COL2A1: variants seen among roughly 807,000 people sequenced by gnomAD.
COL2A1 encodes the protein collagen type II alpha 1 chain.
In COL2A1, 28 loss-of-function variants were observed where a neutral mutation model predicts 204.5. The observed-to-expected ratio is 0.14, with a 90% confidence interval of 0.10 to 0.19. COL2A1 has a LOEUF of 0.19. Ranked by LOEUF, COL2A1 falls within the 10% of genes least tolerant of loss-of-function variation. COL2A1 has a pLI of 1.00. For missense variants in COL2A1, 1,388 were observed against 2,027.5 expected, an observed-to-expected ratio of 0.68 and a Z score of 6.06; for synonymous variants, 708 against 718.7, an observed-to-expected ratio of 0.99 and a Z score of 0.24.
At chr12:47,982,283 GTC>G in intron 34 of COL2A1, 123 bp from the exon 35 acceptor site, 1 of 928,600 alleles carries the variant, frequency 1.1e-6, no homozygotes, top group Non-Finnish European at 1.8e-6. Context: ...ATTTGCTGTG[GTC>G]TCAGGGTGGG....
Position 47,984,554 on chromosome 12 carries a change from C to A in COL2A1, c.1879G>T (p.Gly627Cys). ...CGGGGAAGGATACTTACCCTCAGAC[C>A]AGGAGCACCAGGCAGTCCCTTCTCA... ...AGEKGLPGAP[G>C]LRGLPGKDGE... Residue 627 changes from glycine (G) to cysteine (C), a missense_variant, in exon 28 of 54, where the codon GGT becomes TGT. Gly to Cys is a radical substitution (Grantham distance 159). Coordinates refer to ENST00000380518, the MANE Select transcript of COL2A1 (RefSeq NM_001844.5). 6.2e-7 allele frequency: 1 copy of A among 1,614,142 alleles called. No individual in the cohort carries two copies.
At chr12:47,995,998 AC>A in intron 8 of COL2A1, 79 bp from the exon 9 acceptor site, 4 of 1,183,008 alleles carry the variant, frequency 3.4e-6, no homozygotes, top group Non-Finnish European at 5.1e-6. Flanking sequence ...CTCCCAGCCA[AC>A]AGCCCGGGCA....
intron 2 of COL2A1, 45 bp from the exon 3 acceptor site, chr12:47,998,476 G>C: frequency 6.3e-7 from 1 of 1,599,476 alleles, no homozygotes; most frequent in Non-Finnish European, 8.6e-7. Flanking sequence ...AGAATCTTGA[G>C]ATGGAAAAAT....
rs759796425 is a variant in COL2A1, at chr12:47,987,057, G to T, written c.1365+21C>A. 6.2e-7 allele frequency: 1 copy of T among 1,610,040 alleles called. No individual in the cohort carries two copies. The highest frequency in any genetic ancestry group is 8.5e-7 in the Non-Finnish European group (1 of 1,176,244). ...ACTCCAGAGATGTCAGTGGAACTTGGGGGTCACTTTGGGCTCTTACCGTCT... is the reference window on the plus strand; with the variant it reads ...ACTCCAGAGATGTCAGTGGAACTTGTGGGTCACTTTGGGCTCTTACCGTCT... On this transcript the variant is annotated intron_variant, in intron 21 of 53. Coordinates refer to ENST00000380518, the MANE Select transcript of COL2A1 (RefSeq NM_001844.5). The surrounding 1 kb of genome is among the most constrained non-coding windows in gnomAD (Gnocchi z 4.1).
Position 47,998,415 on chromosome 12 carries a change from C to T in COL2A1, c.309G>A (p.Lys103=). 6.2e-7 allele frequency: 1 copy of T among 1,608,886 alleles called. No individual in the cohort carries two copies. Among genetic ancestry groups the T allele is most frequent in the Non-Finnish European group, 8.5e-7 (1 of 1,176,702 alleles). The change falls in exon 3 of 54, where the codon AAG becomes AAA. Residue 103 remains lysine, a splice_region_variant and synonymous_variant. Coordinates refer to ENST00000380518, the MANE Select transcript of COL2A1 (RefSeq NM_001844.5). ...LATASGQPGP[K]GQKGEPGDIK... Reference sequence around the variant, plus strand: ...AAAAGAAAAAGAAGAAAGCCCTTACCTTTGGTCCTGGTTGCCCTGCAAGGG... The same window carrying T: ...AAAAGAAAAAGAAGAAAGCCCTTACTTTTGGTCCTGGTTGCCCTGCAAGGG...
rs756240749 is a variant in COL2A1 at position 47,981,620 on chromosome 12, C to T, written c.2409+156G>A. Among the ~76,000 whole-genome samples, 37 of 152,090 alleles carry T rather than the reference C, an allele frequency of 2.4e-4. 1 individual carries two copies. The highest frequency in any genetic ancestry group is 1.6e-3 in the Admixed American group (25 of 15,262). On this transcript the variant is annotated intron_variant, in intron 36 of 53. Coordinates refer to ENST00000380518, the MANE Select transcript of COL2A1 (RefSeq NM_001844.5). The stretch of plus-strand genomic sequence containing the variant: ...CCCACCCAACAGGGAACACTGCCAG[C>T]GGCTTCACTTCTGAGAGGGCCCCCT...
intron 34 of COL2A1, 41 bp from the exon 35 acceptor site, chr12:47,982,201 A>C: frequency 6.3e-7 from 1 of 1,580,274 alleles, no homozygotes; most frequent in Non-Finnish European, 8.7e-7. Flanking sequence ...CAGGCACCCC[A>C]GGACCCCCAT....
chr12:47,983,222 C>T (rs1252970310), intron 31 of COL2A1, 85 bp from the exon 32 acceptor site: 6 of 1,526,860 alleles, frequency 3.9e-6, no homozygotes, highest in Non-Finnish European at 4.5e-6. Context: ...CTGAATATCA[C>T]TCCTCCCATG....
chr12:47,993,594 C>G, intron 14 of COL2A1, 92 bp from the exon 15 acceptor site: 1 of 1,238,536 alleles, frequency 8.1e-7, no homozygotes, highest in Non-Finnish European at 1.2e-6. Flanking sequence ...CTGGTCATCT[C>G]AGCTCGCACT....
At position 47,985,716 on chromosome 12, in the gene COL2A1, T is replaced by C; in HGVS notation, c.1680+12A>G. The C allele has an allele frequency of 6.2e-7, 1 of 1,613,556 alleles. No homozygotes were observed. Among genetic ancestry groups the C allele is most frequent in the Non-Finnish European group, 8.5e-7 (1 of 1,179,588 alleles). On this transcript the variant is annotated intron_variant, in intron 25 of 53. Coordinates refer to ENST00000380518, the MANE Select transcript of COL2A1 (RefSeq NM_001844.5). ...GTCTGAAGCCAAGGGCAACAGCAGC[T>C]CTGCTACTTACCCGGGCTCCAGGAA...
At position 47,982,961 on chromosome 12, in the gene COL2A1, C is replaced by A. The variant is rs375487711; in HGVS notation, c.2095-15G>T. 5.6e-6 allele frequency: 9 copies of A among 1,613,206 alleles called. No individual in the cohort carries two copies. In the African/African-American group the frequency reaches 8.0e-5, roughly 14 times the overall value. Reference sequence around the variant, plus strand: ...CCTCGTTCACCCTGCGGCAGAGACACCAAGAAGTGATCAACCAACAGCAGT... The same window carrying A: ...CCTCGTTCACCCTGCGGCAGAGACAACAAGAAGTGATCAACCAACAGCAGT... On this transcript the variant is annotated splice_polypyrimidine_tract_variant and intron_variant, in intron 32 of 53. Coordinates refer to ENST00000380518, the MANE Select transcript of COL2A1 (RefSeq NM_001844.5).
chr12:47,983,475 A>T (rs1443875873), intron 30 of COL2A1, 37 bp from the exon 31 acceptor site: 4 of 1,603,908 alleles, frequency 2.5e-6, no homozygotes, highest in East Asian at 2.2e-5. Context: ...CAAAGGAGTG[A>T]GTTTGCTGCC....
In COL2A1 at chr12:47,977,669, C is replaced by G; in HGVS notation, c.3112-16G>C. The G allele has an allele frequency of 2.5e-6, 4 of 1,613,902 alleles. No individual in the cohort carries two copies. The highest frequency in any genetic ancestry group is 2.5e-6 in the Non-Finnish European group (3 of 1,179,886). ...CGGGGCTTCCCTGGACAAAGTGAAA[C>G]AAGAATGCACTTAGAGCTGCTTCCT... is the stretch of plus-strand genomic sequence containing the variant. On this transcript the variant is annotated splice_polypyrimidine_tract_variant and intron_variant, in intron 44 of 53. Coordinates refer to ENST00000380518, the MANE Select transcript of COL2A1 (RefSeq NM_001844.5).
At chr12:47,994,069 T>C in intron 12 of COL2A1, 22 bp from the exon 13 acceptor site, 2 of 1,613,788 alleles carry the variant, frequency 1.2e-6, no homozygotes, top group South Asian at 2.2e-5. Context: ...AGTGGAGGTG[T>C]TCAGAGCACA....
chr12:47,988,452 G>A (rs1048705122), intron 18 of COL2A1: 2 of 154,406 alleles, frequency 1.3e-5, no homozygotes, highest in Admixed American at 1.3e-4. Flanking sequence ...GCCTCCTCAG[G>A]TTTCTTCTCA....
In COL2A1 at chr12:47,975,169, C is replaced by T. The variant is rs1938638264; in HGVS notation, c.3886+148G>A. On this transcript the variant is annotated intron_variant, in intron 51 of 53. Coordinates refer to ENST00000380518, the MANE Select transcript of COL2A1 (RefSeq NM_001844.5). Reference sequence around the variant, plus strand: ...AGGACAGGGGCCAGGGCTGCAGCTTCTCTGCTGTGAAATAAGAGAGGAACC... The same window carrying T: ...AGGACAGGGGCCAGGGCTGCAGCTTTTCTGCTGTGAAATAAGAGAGGAACC... The T allele has an allele frequency of 9.3e-5, 103 of 1,107,856 alleles. 1 individual carries two copies. In the South Asian group the frequency reaches 1.1e-3, roughly 12 times the overall value. 68.6% of individuals were successfully genotyped at this position (1,107,856 alleles called of 1,614,324 possible). A position where few individuals can be genotyped will look rare whatever the true frequency, so the allele number is the denominator to read the frequency against.
At chr12:47,998,307 T>C (rs771403518) in intron 3 of COL2A1, 106 bp from the exon 4 acceptor site, 41 of 1,539,866 alleles carry the variant, frequency 2.7e-5, no homozygotes, top group Non-Finnish European at 3.6e-5. Flanking sequence ...GAAACAGATA[T>C]CTTCTGATGT....
Position 47,987,343 on chromosome 12 carries a change from G to A in COL2A1, c.1222-30C>T, listed in dbSNP as rs763871514. 6.2e-7 allele frequency: 1 copy of A among 1,612,984 alleles called. No individual in the cohort carries two copies. The highest frequency in any genetic ancestry group is 8.5e-7 in the Non-Finnish European group (1 of 1,179,180). On this transcript the variant is annotated intron_variant, in intron 19 of 53. Transcript: ENST00000380518. The surrounding 1 kb of genome is among the most constrained non-coding windows in gnomAD (Gnocchi z 4.1). Reference sequence around the variant, plus strand: ...AAAGGGAGACATTGTCAAATAAGCAGCAAAGAATGAACCCCAACCACCTCC... The same window carrying A: ...AAAGGGAGACATTGTCAAATAAGCAACAAAGAATGAACCCCAACCACCTCC...
chr12:47,989,367 C>A, intron 17 of COL2A1, 86 bp from the exon 18 acceptor site: 1 of 1,071,922 alleles, frequency 9.3e-7, no homozygotes, highest in South Asian at 1.3e-5. Flanking sequence ...CACTCCTTCC[C>A]TCCTCTGTAC....
Sources: allele counts gnomAD v4.1 joint callset (sites outside exome capture counted in the v4.1 genomes callset), GRCh38; gene constraint gnomAD v4.1.1; non-coding constraint Gnocchi (gnomAD v3.1); transcripts MANE v1.5; gene names NCBI Gene and HGNC (gene_info 2026-07-23, HGNC 2026-07-21).